Variants in DGKI observed in about 807,000 individuals in gnomAD.
The protein encoded by DGKI is DAG kinase iota.
Under a neutral mutation model 147.5 loss-of-function variants are expected in DGKI, and 55 were observed. That is an observed-to-expected ratio of 0.37 (90% CI 0.30 to 0.47). The LOEUF is 0.47. DGKI is among the 20% of genes least tolerant of loss of function. The pLI is 1.00. For synonymous variants in DGKI, 469 were observed against 477.1 expected (o/e 0.98, Z 0.22); for missense variants, 1,007 against 1,323.8 (o/e 0.76, Z 3.71).
At chr7:137,560,087 C>T (rs1304077881) in intron 19 of DGKI, among the ~76,000 whole-genome samples, 1 of 152,022 alleles carries the variant, frequency 6.6e-6, no homozygotes, top group East Asian at 1.9e-4. Flanking sequence ...CAACGAAACA[C>T]AATCCAGACC....
intron 32 of DGKI, among the ~76,000 whole-genome samples, chr7:137,392,329 A>G (rs1211613545): frequency 2.0e-5 from 3 of 152,018 alleles, no homozygotes; most frequent in African/African-American, 7.3e-5. Context: ...ATGCCTGTAT[A>G]TATTACTTGG....
At chr7:137,485,668 T>C (rs1457768856) in intron 22 of DGKI, among the ~76,000 whole-genome samples, 1 of 152,048 alleles carries the variant, frequency 6.6e-6, no homozygotes, top group Non-Finnish European at 1.5e-5. Context: ...TTAAAGTAAG[T>C]GTTATATTAT....
At chr7:137,791,710 T>G (rs1398107375) in intron 1 of DGKI, among the ~76,000 whole-genome samples, 1 of 152,224 alleles carries the variant, frequency 6.6e-6, no homozygotes, top group African/African-American at 2.4e-5. Flanking sequence ...TTAATTCCAT[T>G]CCCTAACTCA....
chr7:137,414,234 C>T (rs1812275141), intron 28 of DGKI, among the ~76,000 whole-genome samples: 2 of 152,244 alleles, frequency 1.3e-5, no homozygotes, highest in Non-Finnish European at 2.9e-5. Context: ...GGCTGAGTGC[C>T]TTCCCTTTGA....
At chr7:137,681,844 C>T (rs79087765) in intron 2 of DGKI, among the ~76,000 whole-genome samples, 1,923 of 152,358 alleles carry the variant, frequency 0.013, 24 homozygotes, top group South Asian at 0.02. Flanking sequence ...GTTTGTCTGG[C>T]GGCCTTGGGC....
intron 8 of DGKI, among the ~76,000 whole-genome samples, chr7:137,614,762 T>C (rs1402923656): frequency 6.6e-6 from 1 of 152,124 alleles, no homozygotes; most frequent in Admixed American, 6.6e-5. Flanking sequence ...AAATGAAATA[T>C]GCGGTTTAAT....
intron 1 of DGKI, among the ~76,000 whole-genome samples, chr7:137,700,546 C>A (rs1261185696): frequency 2.0e-5 from 3 of 152,174 alleles, no homozygotes; most frequent in African/African-American, 7.2e-5. Flanking sequence ...CTGATACCAA[C>A]CTGGCTCTCA....
chr7:137,668,190 AT>A (rs1490970781), intron 3 of DGKI, among the ~76,000 whole-genome samples: 1 of 152,248 alleles, frequency 6.6e-6, no homozygotes, highest in Non-Finnish European at 1.5e-5. Flanking sequence ...ATTGCTTCAT[AT>A]GATCTGTTCT....
rs973749988 is a variant in DGKI, at chr7:137,646,356, G to T, written c.739-819C>A. Among the ~76,000 whole-genome samples, 4 of 152,184 alleles carry T rather than the reference G, an allele frequency of 2.6e-5. No homozygotes were observed. In the South Asian group the frequency reaches 6.2e-4, roughly 24 times the overall value. ...ATACAAGCATATCAATGATGTTTTT[G>T]CAATGGTATTGTGTTTAAACCATCC... On this transcript the variant is annotated intron_variant, in intron 5 of 32. Coordinates refer to ENST00000614521, the MANE Select transcript of DGKI (RefSeq NM_001321708.2).
Position 137,571,720 on chromosome 7 carries a change from G to T in DGKI, c.1836-434C>A, listed in dbSNP as rs116632903. 5.2e-3 allele frequency among the ~76,000 whole-genome samples: 797 copies of T among 152,230 alleles called. 6 individuals are homozygous for T. The highest frequency in any genetic ancestry group is 0.018 in the African/African-American group (750 of 41,530). On this transcript the variant is annotated intron_variant, in intron 18 of 32. Coordinates refer to ENST00000614521, the MANE Select transcript of DGKI (RefSeq NM_001321708.2). Reference sequence around the variant, plus strand: ...AATAAGAGGTACTCACAGGAGAAGGGAAAGGTAACTATGGAAGACAGAGTG... The same window carrying T: ...AATAAGAGGTACTCACAGGAGAAGGTAAAGGTAACTATGGAAGACAGAGTG...
At chr7:137,521,615 C>T (rs557056820) in intron 21 of DGKI, among the ~76,000 whole-genome samples, 10 of 152,124 alleles carry the variant, frequency 6.6e-5, no homozygotes, top group Non-Finnish European at 8.8e-5. Context: ...ACTAAAGTGG[C>T]GAATAAGCCA....
At chr7:137,520,053 C>T (rs995849662) in intron 21 of DGKI, among the ~76,000 whole-genome samples, 1 of 152,076 alleles carries the variant, frequency 6.6e-6, no homozygotes, top group Non-Finnish European at 1.5e-5. Flanking sequence ...CTGAGTAAAG[C>T]CCTTGCCAGA....
chr7:137,502,875 G>A (rs1816228773), intron 21 of DGKI, among the ~76,000 whole-genome samples: 2 of 152,080 alleles, frequency 1.3e-5, no homozygotes, highest in African/African-American at 4.8e-5. Context: ...TCAGAGAAGT[G>A]AAGGCACAAA....
intron 1 of DGKI, among the ~76,000 whole-genome samples, chr7:137,842,843 T>G (rs1037072995): frequency 1.3e-5 from 2 of 152,096 alleles, no homozygotes; most frequent in African/African-American, 4.8e-5. Flanking sequence ...AGGTATGCAA[T>G]AATATATAAT....
At chr7:137,795,751 T>C (rs1026640488) in intron 1 of DGKI, among the ~76,000 whole-genome samples, 1 of 152,130 alleles carries the variant, frequency 6.6e-6, no homozygotes, top group Admixed American at 6.5e-5. Context: ...AAGGCTAAGG[T>C]AGAGTTATCA....
intron 5 of DGKI, among the ~76,000 whole-genome samples, chr7:137,654,323 A>G (rs115769408): frequency 9.2e-4 from 140 of 152,340 alleles, no homozygotes; most frequent in African/African-American, 3.3e-3. Flanking sequence ...ATAACCAGTT[A>G]CTGTGCTGCC....
chr7:137,595,512 A>AT (rs994258250), intron 12 of DGKI, among the ~76,000 whole-genome samples: 2 of 151,934 alleles, frequency 1.3e-5, no homozygotes, highest in African/African-American at 2.4e-5. Flanking sequence ...CTATTCTTCT[A>AT]TTTTTTCATT....
At chr7:137,738,771 G>A (rs539025054) in intron 1 of DGKI, among the ~76,000 whole-genome samples, 1 of 134,400 alleles carries the variant, frequency 7.4e-6, no homozygotes, top group Non-Finnish European at 1.6e-5. Context: ...GATACTCATT[G>A]TAAAGTCTGC....
intron 28 of DGKI, among the ~76,000 whole-genome samples, chr7:137,420,775 T>G (rs1215487799): frequency 1.3e-5 from 2 of 152,144 alleles, no homozygotes; most frequent in African/African-American, 4.8e-5. Flanking sequence ...TCCCAGCACT[T>G]TGGGAGGCCG....
Sources: gnomAD v4.1 joint callset for allele counts (sites outside exome capture counted in the v4.1 genomes callset) on GRCh38, gnomAD v4.1.1 for gene constraint, MANE v1.5 for transcripts, NCBI Gene and HGNC (gene_info 2026-07-23, HGNC 2026-07-21) for gene names.